ANO4: variants seen among roughly 807,000 people sequenced by gnomAD.
ANO4 encodes the protein anoctamin-4.
A neutral mutation model predicts 141.9 loss-of-function variants in ANO4; 69 were observed. The observed-to-expected ratio is 0.49, with a 90% CI of 0.40 to 0.59. The LOEUF is 0.59. Ranked by LOEUF, ANO4 falls within the 20% of genes least tolerant of loss-of-function variation. The pLI is 0.00. For missense variants in ANO4, 894 were observed against 1,162.2 expected (o/e 0.77, Z 3.36); for synonymous variants, 350 against 394.3 (o/e 0.89, Z 1.33).
chr12:100,841,971 C>G (rs1487557865), intron 1 of ANO4, among the ~76,000 whole-genome samples: 1 of 148,040 alleles, frequency 6.8e-6, no homozygotes, highest in African/African-American at 2.5e-5. Flanking sequence ...GATAGCGAGT[C>G]AGCAAGATTG....
intron 5 of ANO4, among the ~76,000 whole-genome samples, chr12:100,948,485 A>C (rs1031518062): frequency 6.6e-6 from 1 of 152,156 alleles, no homozygotes; most frequent in Non-Finnish European, 1.5e-5. Flanking sequence ...TTTTACTTTT[A>C]AATTTCATAT....
At chr12:100,966,311 T>G (rs1012101525) in intron 5 of ANO4, among the ~76,000 whole-genome samples, 3 of 152,236 alleles carry the variant, frequency 2.0e-5, no homozygotes, top group Non-Finnish European at 4.4e-5. Context: ...CAATAAGATA[T>G]GCATTGCTAT....
chr12:100,966,332 T>C (rs1303720014), intron 5 of ANO4, among the ~76,000 whole-genome samples: 1 of 152,164 alleles, frequency 6.6e-6, no homozygotes, highest in African/African-American at 2.4e-5. Flanking sequence ...CATTTCCTAT[T>C]TTACATTTGA....
chr12:101,127,334 G>T (rs1422205227), intron 27 of ANO4, among the ~76,000 whole-genome samples: 1 of 152,088 alleles, frequency 6.6e-6, no homozygotes, highest in Non-Finnish European at 1.5e-5. Flanking sequence ...TCATGAATTG[G>T]CCTAGGAGTT....
intron 7 of ANO4, chr12:100,987,160 C>G (rs2029917498): frequency 5.8e-6 from 1 of 173,212 alleles, no homozygotes; most frequent in Non-Finnish European, 1.2e-5. Context: ...GTTTTCCAAA[C>G]ACAAAATGAA....
chr12:100,930,765 G>A (rs2042058586), intron 3 of ANO4, among the ~76,000 whole-genome samples: 1 of 152,086 alleles, frequency 6.6e-6, no homozygotes, highest in African/African-American at 2.4e-5. Flanking sequence ...ACTAGCAGAA[G>A]TTTCTAAACT....
At chr12:100,718,711 T>C (rs1315117088) in intron 1 of ANO4, among the ~76,000 whole-genome samples, 1 of 152,182 alleles carries the variant, frequency 6.6e-6, no homozygotes, top group Non-Finnish European at 1.5e-5. Context: ...GGCCTGTTTT[T>C]TCTTTCCTCC....
At chr12:101,004,188 T>G (rs950951713) in intron 8 of ANO4, among the ~76,000 whole-genome samples, 3 of 151,776 alleles carry the variant, frequency 2.0e-5, no homozygotes, top group Non-Finnish European at 2.9e-5. Context: ...AAGGAAACAC[T>G]GAAGTCAAGC....
chr12:100,759,421 T>C lies in ANO4; in HGVS notation c.358+19316T>C, dbSNP rs143999011. Among the ~76,000 whole-genome samples, 41 of 152,352 alleles carry C rather than the reference T, an allele frequency of 2.7e-4. No homozygotes were observed. In the East Asian group the frequency reaches 7.5e-3, roughly 28 times the overall value. On this transcript the variant is annotated intron_variant, in intron 3 of 29. Coordinates refer to the ANO4 transcript ENST00000644049. ...AAAGCAAGTCAATGATGAATTCTTATCTTGGCTCAGTCATTTCTTTCTCCT... is the reference window on the plus strand; with the variant it reads ...AAAGCAAGTCAATGATGAATTCTTACCTTGGCTCAGTCATTTCTTTCTCCT...
chr12:100,865,985 T>A (rs2038734610), intron 1 of ANO4, among the ~76,000 whole-genome samples: 2 of 152,158 alleles, frequency 1.3e-5, no homozygotes, highest in African/African-American at 4.8e-5. Context: ...TCTCTCTCCC[T>A]TAGCTTTCCT....
intron 14 of ANO4, among the ~76,000 whole-genome samples, chr12:101,059,699 T>C (rs2048269194): frequency 1.3e-5 from 2 of 152,230 alleles, no homozygotes; most frequent in South Asian, 4.1e-4. Flanking sequence ...TGATGGTAGA[T>C]TGTATTTCTG....
intron 14 of ANO4, among the ~76,000 whole-genome samples, chr12:101,078,016 C>A (rs890101128): frequency 1.3e-5 from 2 of 152,132 alleles, no homozygotes; most frequent in African/African-American, 4.8e-5. Flanking sequence ...GAACTCTTAT[C>A]TATCACTCTA....
intron 1 of ANO4, among the ~76,000 whole-genome samples, chr12:100,805,391 C>G (rs1364943390): frequency 6.6e-6 from 1 of 152,126 alleles, no homozygotes; most frequent in Non-Finnish European, 1.5e-5. Context: ...TGTGATGTCT[C>G]CAGCTTTATT....
At chr12:100,815,069 G>A (rs560774843) in intron 1 of ANO4, among the ~76,000 whole-genome samples, 1 of 152,114 alleles carries the variant, frequency 6.6e-6, no homozygotes, top group Non-Finnish European at 1.5e-5. Flanking sequence ...GAAACAGAGA[G>A]AGAGAGAGGG....
rs997161323 is a variant in ANO4 at position 100,886,519 on chromosome 12, T to C, written c.-140-15127T>C. On this transcript the variant is annotated intron_variant, in intron 1 of 27. Transcript: ENST00000392977. ...GGGGGGCGTGCTCTTCTCCTCCATCTCTGCCTATGAGAAATCTACCCAGCA... is the reference window on the plus strand; with the variant it reads ...GGGGGGCGTGCTCTTCTCCTCCATCCCTGCCTATGAGAAATCTACCCAGCA... Among the ~76,000 whole-genome samples, 5 of 152,104 alleles carry C rather than the reference T, an allele frequency of 3.3e-5. No homozygotes were observed. The East Asian group carries it at 9.7e-4, about 29-fold the overall frequency.
At chr12:100,876,960 T>C (rs1014361918) in intron 1 of ANO4, among the ~76,000 whole-genome samples, 1 of 152,200 alleles carries the variant, frequency 6.6e-6, no homozygotes, top group African/African-American at 2.4e-5. Context: ...AGAAATTTTG[T>C]CATTTGTGAC....
intron 3 of ANO4, among the ~76,000 whole-genome samples, chr12:100,763,828 A>G (rs1440195451): frequency 6.6e-6 from 1 of 152,142 alleles, no homozygotes; most frequent in Non-Finnish European, 1.5e-5. Context: ...ATGTCCTGGC[A>G]CTATAAGGTG....
At chr12:100,976,443 A>G (rs1033302816) in intron 7 of ANO4, among the ~76,000 whole-genome samples, 16 of 152,210 alleles carry the variant, frequency 1.1e-4, no homozygotes, top group African/African-American at 3.6e-4. Context: ...ATTCACCATG[A>G]TTTAGATTGC....
At chr12:100,888,195 G>A (rs970214740) in intron 1 of ANO4, among the ~76,000 whole-genome samples, 4 of 152,202 alleles carry the variant, frequency 2.6e-5, no homozygotes, top group African/African-American at 4.8e-5. Context: ...GAGGTTTTCA[G>A]TATGTTCCAG....
Sources: gnomAD v4.1 joint callset for allele counts (sites outside exome capture counted in the v4.1 genomes callset) on GRCh38, gnomAD v4.1.1 for gene constraint, MANE v1.5 for transcripts, NCBI Gene and HGNC (gene_info 2026-07-23, HGNC 2026-07-21) for gene names.